AKAP6: variants seen among roughly 807,000 people sequenced by gnomAD.
AKAP6 encodes A-kinase anchor protein 6.
Under a neutral mutation model 188.5 loss-of-function variants are expected in AKAP6, and 58 were observed. That is an observed-to-expected ratio of 0.31 (90% CI 0.25 to 0.38). The LOEUF is 0.38. Ranked by LOEUF, AKAP6 falls within the 10% of genes least tolerant of loss-of-function variation. AKAP6 has a pLI of 1.00. For missense variants in AKAP6, 2,710 were observed against 2,740.0 expected, an observed-to-expected ratio of 0.99 and a Z score of 0.24; for synonymous variants, 989 against 998.6, an observed-to-expected ratio of 0.99 and a Z score of 0.18.
chr14:32,714,252 T>C (rs1454710184), intron 9 of AKAP6, among the ~76,000 whole-genome samples: 1 of 151,890 alleles, frequency 6.6e-6, no homozygotes, highest in Non-Finnish European at 1.5e-5. Context: ...TCATAACAGA[T>C]AAAATAATAA....
At chr14:32,785,810 T>C (rs2033383854) in intron 12 of AKAP6, among the ~76,000 whole-genome samples, 1 of 152,156 alleles carries the variant, frequency 6.6e-6, no homozygotes, top group African/African-American at 2.4e-5. Context: ...CTATACTTAT[T>C]TGGACATAGT....
chr14:32,491,553 G>A (rs1880016024), intron 2 of AKAP6, among the ~76,000 whole-genome samples: 1 of 152,124 alleles, frequency 6.6e-6, no homozygotes, highest in Admixed American at 6.5e-5. Context: ...TGTGTGATGT[G>A]GGATACTCAG....
In AKAP6 at chr14:32,330,781, C is replaced by T. The variant is rs145573320; in HGVS notation, c.-35+1373C>T. 4.5e-3 allele frequency among the ~76,000 whole-genome samples: 632 copies of T among 138,938 alleles called. 3 individuals are homozygous for T. The highest frequency in any genetic ancestry group is 0.016 in the African/African-American group (593 of 37,262). 91.1% of individuals were successfully genotyped at this position (138,938 alleles called of 152,430 possible). A position where few individuals can be genotyped will look rare whatever the true frequency, so the allele number is the denominator to read the frequency against. ...GTATGCTAGTCCCATTAGGCACCAG[C>T]CAGAGGAAAGGCCTCAGGTTTTAAT... On this transcript the variant is annotated intron_variant, in intron 1 of 13. Coordinates refer to ENST00000280979, the MANE Select transcript of AKAP6 (RefSeq NM_004274.5).
intron 1 of AKAP6, among the ~76,000 whole-genome samples, chr14:32,398,188 C>G (rs1227297852): frequency 6.6e-6 from 1 of 152,218 alleles, no homozygotes; most frequent in Non-Finnish European, 1.5e-5. Flanking sequence ...TGTGCAAGGG[C>G]TGGGAGTGCT....
At chr14:32,729,424 G>A (rs1375537369) in intron 9 of AKAP6, among the ~76,000 whole-genome samples, 1 of 152,044 alleles carries the variant, frequency 6.6e-6, no homozygotes, top group Non-Finnish European at 1.5e-5. Flanking sequence ...TTCAGTTTTA[G>A]CATTTGTGCT....
chr14:32,732,673 C>G, intron 10 of AKAP6, 73 bp downstream of exon 10: 1 of 1,513,532 alleles, frequency 6.6e-7, no homozygotes, highest in Non-Finnish European at 9.1e-7. Flanking sequence ...TGTCCGATTT[C>G]TAATTTGAGG....
chr14:32,645,376 A>G (rs1385263223), intron 7 of AKAP6, among the ~76,000 whole-genome samples: 3 of 152,204 alleles, frequency 2.0e-5, no homozygotes, highest in African/African-American at 7.2e-5. Context: ...GATTGTCAAT[A>G]TATTTGTGGG....
At chr14:32,674,929 G>T (rs1402330694) in intron 7 of AKAP6, among the ~76,000 whole-genome samples, 5 of 152,120 alleles carry the variant, frequency 3.3e-5, no homozygotes, top group African/African-American at 1.2e-4. Flanking sequence ...AATGAATTTT[G>T]GGAGGGAGAA....
chr14:32,612,186 C>T (rs1039644579), intron 7 of AKAP6, among the ~76,000 whole-genome samples: 1 of 152,148 alleles, frequency 6.6e-6, no homozygotes. Flanking sequence ...TCTCACACAG[C>T]CTTGTAAAAC....
chr14:32,379,799 G>T (rs1202626896), intron 1 of AKAP6, among the ~76,000 whole-genome samples: 1 of 152,080 alleles, frequency 6.6e-6, no homozygotes, highest in Non-Finnish European at 1.5e-5. Context: ...CTTCCATCTA[G>T]CTTCCATCTA....
chr14:32,569,617 T>A (rs143782871), intron 4 of AKAP6, among the ~76,000 whole-genome samples: 77 of 152,326 alleles, frequency 5.1e-4, no homozygotes, highest in African/African-American at 1.7e-3. Context: ...CTAAATCTAG[T>A]CATTTTATGT....
At chr14:32,647,030 G>A (rs1029138511) in intron 7 of AKAP6, among the ~76,000 whole-genome samples, 1 of 152,080 alleles carries the variant, frequency 6.6e-6, no homozygotes, top group Non-Finnish European at 1.5e-5. Context: ...ATGCATTTGA[G>A]GGCATACCAT....
intron 1 of AKAP6, among the ~76,000 whole-genome samples, chr14:32,370,842 G>A (rs1887982437): frequency 6.6e-6 from 1 of 152,184 alleles, no homozygotes; most frequent in South Asian, 2.1e-4. Context: ...GGAGGGACCT[G>A]CCTTATTCGT....
intron 7 of AKAP6, among the ~76,000 whole-genome samples, chr14:32,663,126 T>C (rs1039748616): frequency 1.3e-5 from 2 of 152,126 alleles, no homozygotes; most frequent in Non-Finnish European, 2.9e-5. Flanking sequence ...TTTTTAGTGC[T>C]TATATTTCCC....
intron 2 of AKAP6, among the ~76,000 whole-genome samples, chr14:32,486,940 A>C (rs1438962029): frequency 2.0e-5 from 3 of 152,166 alleles, no homozygotes; most frequent in Non-Finnish European, 4.4e-5. Flanking sequence ...TCGGTATGAT[A>C]TTGGCTGTGG....
intron 7 of AKAP6, among the ~76,000 whole-genome samples, chr14:32,639,156 A>G (rs1385225761): frequency 6.6e-6 from 1 of 152,158 alleles, no homozygotes; most frequent in Non-Finnish European, 1.5e-5. Flanking sequence ...ACCCATTAAC[A>G]CTTAGGAATA....
At chr14:32,810,810 T>G (rs969917334) in intron 12 of AKAP6, among the ~76,000 whole-genome samples, 1 of 152,154 alleles carries the variant, frequency 6.6e-6, no homozygotes, top group African/African-American at 2.4e-5. Context: ...TAAAATCAGA[T>G]GTAGAACAAG....
intron 7 of AKAP6, among the ~76,000 whole-genome samples, chr14:32,668,946 T>C (rs1262273544): frequency 6.6e-6 from 1 of 151,452 alleles, no homozygotes; most frequent in Admixed American, 6.6e-5. Flanking sequence ...TTACATTTTT[T>C]AATACTTTTA....
chr14:32,756,272 GC>G (rs2032329861), intron 11 of AKAP6, among the ~76,000 whole-genome samples: 1 of 152,208 alleles, frequency 6.6e-6, no homozygotes, highest in Non-Finnish European at 1.5e-5. Flanking sequence ...TGGGCCTTGA[GC>G]CTGAGTCTGT....
Sources: gnomAD v4.1 joint callset for allele counts (sites outside exome capture counted in the v4.1 genomes callset) on GRCh38, gnomAD v4.1.1 for gene constraint, MANE v1.5 for transcripts, NCBI Gene and HGNC (gene_info 2026-07-23, HGNC 2026-07-21) for gene names.